The following SKP2 variants were observed in gnomAD, a reference collection of about 807,000 sequenced individuals.
SKP2 encodes S-phase kinase associated protein 2.
Under a neutral mutation model 51.8 loss-of-function variants are expected in SKP2, and 16 were observed. That is an observed-to-expected ratio of 0.31 (90% CI 0.21 to 0.47). SKP2 has a LOEUF of 0.47. SKP2 is among the 20% of genes least tolerant of loss of function. SKP2 has a pLI of 1.00. For synonymous variants in SKP2, 176 were observed against 198.6 expected (o/e 0.89, Z 0.96); for missense variants, 377 against 505.3 (o/e 0.75, Z 2.43).
In SKP2 at chr5:36,166,571, C is replaced by G; in HGVS notation, c.445C>G (p.Pro149Ala). Reference protein sequence around the residue: ...TLDLTGKNLHPDVTGRLLSQG... With the variant: ...TLDLTGKNLHADVTGRLLSQG... ...AGACCTCACAGGTAAAAATCTGCAC[C>G]CGGATGTGACTGGTCGGTTGCTGTC... The change falls in exon 4 of 10, where the codon CCG becomes GCG. Residue 149 changes from proline to alanine, a missense_variant. This residue lies in a region of SKP2 where 262 missense variants were observed against 389.8 expected (regional missense o/e 0.67). Transcript: ENST00000274255. The G allele has an allele frequency of 6.2e-7, 1 of 1,613,920 alleles. No individual in the cohort carries two copies. The highest frequency in any genetic ancestry group is 8.5e-7 in the Non-Finnish European group (1 of 1,179,852).
chr5:36,187,095 T>C (rs2112023667), downstream of SKP2, among the ~76,000 whole-genome samples: 1 of 152,184 alleles, frequency 6.6e-6, no homozygotes, highest in Non-Finnish European at 1.5e-5. Context: ...TGATATCCCC[T>C]TTATCATTTT....
chr5:36,156,453 C>T (rs758068682), intron 2 of SKP2, among the ~76,000 whole-genome samples: 2 of 152,114 alleles, frequency 1.3e-5, no homozygotes, highest in South Asian at 2.1e-4. Flanking sequence ...GGCCCCAGTC[C>T]AGCCGTACAT....
At position 36,181,992 on chromosome 5, in the gene SKP2, C is replaced by A. The variant is rs1237583208; in HGVS notation, c.1236C>A (p.Ile412=). 1 of 1,614,138 alleles carries A rather than the reference C, an allele frequency of 6.2e-7. No individual in the cohort carries two copies. The highest frequency in any genetic ancestry group is 1.1e-5 in the South Asian group (1 of 91,078). ...GNKKNQEIWG[I]KCRLTLQKPS... is the part of the protein sequence containing the mutation. ...AAAAGAACCAGGAGATATGGGGCAT[C>A]AAATGCCGACTGACACTGCAAAAGC... The change falls in exon 10 of 10, where the codon ATC becomes ATA. Residue 412 remains isoleucine (I), a synonymous_variant. Coordinates refer to ENST00000274255, the MANE Select transcript of SKP2 (RefSeq NM_005983.4).
At chr5:36,180,141 T>C (rs1017437338) in intron 9 of SKP2, 1 of 526,142 alleles carries the variant, frequency 1.9e-6, no homozygotes. Flanking sequence ...TTACTCCACC[T>C]ACAGTTTCTT....
intron 2 of SKP2, among the ~76,000 whole-genome samples, chr5:36,154,556 A>G (rs1744878613): frequency 6.6e-6 from 1 of 152,146 alleles, no homozygotes; most frequent in Non-Finnish European, 1.5e-5. Context: ...TATTTTCAAG[A>G]CGGAGTCTTG....
intron 2 of SKP2, among the ~76,000 whole-genome samples, chr5:36,155,497 G>A (rs1273585883): frequency 1.3e-5 from 2 of 152,110 alleles, no homozygotes; most frequent in Non-Finnish European, 2.9e-5. Flanking sequence ...TGAGAATGAC[G>A]TAAAACCCTT....
intron 7 of SKP2, among the ~76,000 whole-genome samples, chr5:36,174,514 G>A (rs1745571137): frequency 6.6e-6 from 1 of 151,912 alleles, no homozygotes. Flanking sequence ...TCATTTTTTG[G>A]TCATTTATTA....
At chr5:36,154,002 G>A (rs1561529937) in intron 2 of SKP2, among the ~76,000 whole-genome samples, 1 of 152,214 alleles carries the variant, frequency 6.6e-6, no homozygotes, top group East Asian at 1.9e-4. Flanking sequence ...TCCAGGTGCT[G>A]GAGATAGAGG....
intron 9 of SKP2, among the ~76,000 whole-genome samples, chr5:36,180,546 T>A (rs1185556579): frequency 6.6e-6 from 1 of 152,186 alleles, no homozygotes; most frequent in Non-Finnish European, 1.5e-5. Flanking sequence ...AGACACCTTG[T>A]AGAATGTAGA....
Position 36,182,050 on chromosome 5 carries a change from G to C in SKP2, c.*19G>C, listed in dbSNP as rs1339093962. Reference sequence around the variant, plus strand: ...TCTATGAAGTATTTATTGCAGGATGGTGTCTCTTCTTTAGAACAGGGAAAA... The same window carrying C: ...TCTATGAAGTATTTATTGCAGGATGCTGTCTCTTCTTTAGAACAGGGAAAA... On this transcript the variant is annotated 3_prime_UTR_variant, in exon 10 of 10. Coordinates refer to ENST00000274255, the MANE Select transcript of SKP2 (RefSeq NM_005983.4). 1.2e-6 allele frequency: 2 copies of C among 1,612,624 alleles called. No individual in the cohort carries two copies. The highest frequency in any genetic ancestry group is 1.7e-6 in the Non-Finnish European group (2 of 1,179,060).
chr5:36,174,601 T>G (rs1349144448), intron 7 of SKP2, among the ~76,000 whole-genome samples: 1 of 152,098 alleles, frequency 6.6e-6, no homozygotes, highest in Non-Finnish European at 1.5e-5. Flanking sequence ...CTTATGAAGA[T>G]TACTTTCTAG....
In SKP2 at chr5:36,183,857, G is replaced by A. The variant is rs1169471474; in HGVS notation, c.*1826G>A. On this transcript the variant is annotated 3_prime_UTR_variant, in exon 10 of 10. Transcript: ENST00000274255. Reference sequence around the variant, plus strand: ...GTTTACAGATTAGTGACAAGAGCTGGGGTTAGGATCCGGTTGGACTCTGAC... The same window carrying A: ...GTTTACAGATTAGTGACAAGAGCTGAGGTTAGGATCCGGTTGGACTCTGAC... 6.2e-7 allele frequency: 1 copy of A among 1,603,874 alleles called. No homozygotes were observed. The highest frequency in any genetic ancestry group is 8.5e-7 in the Non-Finnish European group (1 of 1,177,808).
At chr5:36,171,029 A>G (rs1033869403) in intron 6 of SKP2, among the ~76,000 whole-genome samples, 1 of 152,170 alleles carries the variant, frequency 6.6e-6, no homozygotes, top group Non-Finnish European at 1.5e-5. Context: ...TCCATTTAAA[A>G]TAGATTGCCT....
Position 36,182,169 on chromosome 5 carries a change from A to C in SKP2, c.*138A>C, listed in dbSNP as rs1431369773. On this transcript the variant is annotated 3_prime_UTR_variant, in exon 10 of 10. Transcript: ENST00000274255. ...TGCAAGTATACTAGGGAGCCATTTG[A>C]GAGGGAAAACTATGAAATCTTGCTT... 1 of 1,432,390 alleles carries C rather than the reference A, an allele frequency of 7.0e-7. No individual in the cohort carries two copies. Among genetic ancestry groups the C allele is most frequent in the Non-Finnish European group, 9.1e-7 (1 of 1,096,664 alleles). The allele number at this position is 1,432,390 out of a possible 1,614,324, so 88.7% of individuals were successfully genotyped here. A position where few individuals can be genotyped will look rare whatever the true frequency, so the allele number is the denominator to read the frequency against.
chr5:36,184,256 T>C lies in SKP2; in HGVS notation c.*2225T>C, dbSNP rs1452396572. ...CTTTATAAAAGGGGCTAATACAGTC[T>C]TGTTATCTTTTTTTTTAAATTATAC... On this transcript the variant is annotated 3_prime_UTR_variant, in exon 10 of 10. Coordinates refer to ENST00000274255, the MANE Select transcript of SKP2 (RefSeq NM_005983.4). 4.0e-6 allele frequency: 1 copy of C among 252,314 alleles called. No homozygotes were observed. Among genetic ancestry groups the C allele is most frequent in the East Asian group, 8.4e-5 (1 of 11,926 alleles). The allele number at this position is 252,314 out of a possible 1,614,324, so 15.6% of individuals were successfully genotyped here.
chr5:36,185,226 G>C (rs929559152), downstream of SKP2, among the ~76,000 whole-genome samples: 19 of 152,130 alleles, frequency 1.2e-4, no homozygotes, highest in African/African-American at 4.6e-4. Flanking sequence ...TCACTCTGAT[G>C]GTAGTTTCTT....
At chr5:36,156,142 A>G (rs544534525) in intron 2 of SKP2, among the ~76,000 whole-genome samples, 2 of 152,356 alleles carry the variant, frequency 1.3e-5, no homozygotes, top group African/African-American at 4.8e-5. Flanking sequence ...AGGGAAACCA[A>G]TGTACGTGGA....
intron 6 of SKP2, 147 bp from the exon 7 acceptor site, chr5:36,171,456 A>C: frequency 4.0e-6 from 3 of 744,962 alleles, no homozygotes; most frequent in Non-Finnish European, 4.5e-6. Flanking sequence ...TTAGGTGACT[A>C]AAGGTAGCTA....
chr5:36,177,377 A>T (rs760431577), intron 9 of SKP2, 85 bp downstream of exon 9: 4 of 840,736 alleles, frequency 4.8e-6, no homozygotes, highest in East Asian at 4.9e-5. Flanking sequence ...TTTTATTAAT[A>T]GACATATGAA....
Sources: allele counts gnomAD v4.1 joint callset (sites outside exome capture counted in the v4.1 genomes callset), GRCh38; gene constraint gnomAD v4.1.1; regional missense constraint gnomAD v4.1.1; transcripts MANE v1.5; gene names NCBI Gene and HGNC (gene_info 2026-07-23, HGNC 2026-07-21).